VPS45: variants seen among roughly 807,000 people sequenced by gnomAD.
The protein encoded by VPS45 is vacuolar protein sorting-associated protein 45.
Under a neutral mutation model 75.9 loss-of-function variants are expected in VPS45, and 35 were observed. That is an observed-to-expected ratio of 0.46 (90% CI 0.35 to 0.61). VPS45 has a LOEUF of 0.61. Among genes scored for constraint, VPS45 ranks in the 20% least tolerant of loss-of-function variants. VPS45 has a pLI of 0.00. For synonymous variants in VPS45, 220 were observed against 238.2 expected, an observed-to-expected ratio of 0.92 and a Z score of 0.70; for missense variants, 559 against 685.9, an observed-to-expected ratio of 0.81 and a Z score of 2.07.
chr1:150,074,921 C>T (rs1394086099), intron 3 of VPS45, among the ~76,000 whole-genome samples: 1 of 147,796 alleles, frequency 6.8e-6, no homozygotes, highest in Non-Finnish European at 1.5e-5. Flanking sequence ...TCCATTATTA[C>T]ATCTAGATTA....
intron 14 of VPS45, among the ~76,000 whole-genome samples, chr1:150,115,187 C>G (rs1657865961): frequency 6.6e-6 from 1 of 152,094 alleles, no homozygotes; most frequent in East Asian, 1.9e-4. Context: ...AAACCTTCAT[C>G]TATTCTTCAG....
chr1:150,131,071 G>A (rs1490223025), intron 14 of VPS45, among the ~76,000 whole-genome samples: 1 of 152,154 alleles, frequency 6.6e-6, no homozygotes, highest in Admixed American at 6.6e-5. Context: ...ATCAGAGGGT[G>A]TAAGCGTTTT....
rs587639525 is a variant in VPS45, at chr1:150,114,514, C to T, written c.1625+3887C>T. 2.2e-3 allele frequency among the ~76,000 whole-genome samples: 322 copies of T among 144,972 alleles called. 2 individuals are homozygous for T. The highest frequency in any genetic ancestry group is 0.011 in the Middle Eastern group (3 of 264). On this transcript the variant is annotated intron_variant, in intron 14 of 14. Coordinates refer to ENST00000644510, the MANE Select transcript of VPS45 (RefSeq NM_007259.5). ...TGGCCAGTAGTTTAGGAGGCCATGG[C>T]GGGAGGATCATTTGAGCTCAGAAGT...
chr1:150,070,620 GTC>G (rs1559898426), intron 2 of VPS45, among the ~76,000 whole-genome samples: 1 of 124,096 alleles, frequency 8.1e-6, no homozygotes, highest in Non-Finnish European at 1.7e-5. Context: ...GTGAAACCCC[GTC>G]TCTACTAAAA....
intron 10 of VPS45, among the ~76,000 whole-genome samples, chr1:150,091,414 T>G (rs1345434972): frequency 1.3e-5 from 2 of 152,200 alleles, no homozygotes; most frequent in African/African-American, 4.8e-5. Context: ...TTAAAATCAT[T>G]AAGTACTAAA....
intron 14 of VPS45, among the ~76,000 whole-genome samples, chr1:150,114,516 G>T (rs1445690328): frequency 6.6e-6 from 1 of 151,092 alleles, no homozygotes; most frequent in Non-Finnish European, 1.5e-5. Context: ...GGCCATGGCG[G>T]GAGGATCATT....
chr1:150,125,103 C>T (rs1658434816), intron 14 of VPS45, among the ~76,000 whole-genome samples: 1 of 150,626 alleles, frequency 6.6e-6, no homozygotes, highest in Non-Finnish European at 1.5e-5. Context: ...TGCAAGTTTA[C>T]TTTTATTTTT....
chr1:150,133,113 C>G (rs1484350862), intron 14 of VPS45, among the ~76,000 whole-genome samples: 1 of 152,136 alleles, frequency 6.6e-6, no homozygotes. Context: ...TATACTGAGG[C>G]AGTGATAAAA....
rs587764360 is a variant in VPS45, at chr1:150,081,696, T to G, written c.823-188T>G. 2.6e-5 allele frequency among the ~76,000 whole-genome samples: 4 copies of G among 152,296 alleles called. No individual in the cohort carries two copies. In the East Asian group the frequency reaches 7.7e-4, roughly 29 times the overall value. ...CACGTAGTTATTTACTTCTCTCCCC[T>G]CCAGTAGCTGTTTGTGAGAATAGTA... On this transcript the variant is annotated intron_variant, in intron 8 of 14. Transcript: ENST00000644510.
At chr1:150,068,008 GT>G in intron 1 of VPS45, 58 bp downstream of exon 1, 1 of 1,504,154 alleles carries the variant, frequency 6.6e-7, no homozygotes, top group Admixed American at 1.7e-5. Context: ...ACAATTGCTC[GT>G]CCCATTCCAC....
chr1:150,144,706 C>T lies in VPS45; in HGVS notation c.1626-3C>T, dbSNP rs1553816140. The T allele has an allele frequency of 6.2e-7, 1 of 1,608,986 alleles. No homozygotes were observed. The highest frequency in any genetic ancestry group is 1.1e-5 in the South Asian group (1 of 90,882). The stretch of plus-strand genomic sequence containing the variant: ...CTTCAAGTAACCTCAAACTACTTAT[C>T]AGTTTCCTAGAGGAAGTTCTGGCTT... On this transcript the variant is annotated splice_region_variant and splice_polypyrimidine_tract_variant and intron_variant, in intron 14 of 14. Transcript: ENST00000644510.
At chr1:150,125,754 T>A (rs1213987559) in intron 14 of VPS45, among the ~76,000 whole-genome samples, 1 of 152,106 alleles carries the variant, frequency 6.6e-6, no homozygotes, top group Non-Finnish European at 1.5e-5. Flanking sequence ...AGTGATGTGA[T>A]CTCAGCTCAC....
intron 14 of VPS45, among the ~76,000 whole-genome samples, chr1:150,117,075 C>T (rs1553808478): frequency 6.6e-6 from 1 of 151,992 alleles, no homozygotes; most frequent in African/African-American, 2.4e-5. Flanking sequence ...GTGGCGTGCA[C>T]CTGTAGTCCC....
At chr1:150,133,374 A>G (rs1319544283) in intron 14 of VPS45, among the ~76,000 whole-genome samples, 1 of 151,722 alleles carries the variant, frequency 6.6e-6, no homozygotes, top group Non-Finnish European at 1.5e-5. Flanking sequence ...ACATGGTGAA[A>G]CCCCATCTCT....
At chr1:150,070,405 A>T (rs1475426939) in intron 2 of VPS45, among the ~76,000 whole-genome samples, 1 of 152,106 alleles carries the variant, frequency 6.6e-6, no homozygotes, top group East Asian at 1.9e-4. Context: ...GGTTCAAGAG[A>T]TATGTTAGAG....
At chr1:150,125,543 C>A (rs587638052) in intron 14 of VPS45, among the ~76,000 whole-genome samples, 2 of 135,772 alleles carry the variant, frequency 1.5e-5, no homozygotes, top group African/African-American at 5.5e-5. Flanking sequence ...AGCAAACTAT[C>A]GCAAGGACAA....
At chr1:150,107,399 C>T (rs868909451) in intron 13 of VPS45, among the ~76,000 whole-genome samples, 5 of 152,194 alleles carry the variant, frequency 3.3e-5, no homozygotes, top group Non-Finnish European at 4.4e-5. Flanking sequence ...CTATCCTCCA[C>T]ATTCAGTCAT....
intron 4 of VPS45, 156 bp downstream of exon 4, chr1:150,076,468 G>A: frequency 1.9e-6 from 1 of 528,576 alleles, no homozygotes. Flanking sequence ...TGTTTTCAGA[G>A]GCAGCAAATA....
intron 13 of VPS45, among the ~76,000 whole-genome samples, chr1:150,102,287 T>A (rs1192579462): frequency 2.8e-5 from 4 of 142,852 alleles, no homozygotes; most frequent in African/African-American, 7.9e-5. Context: ...GGGTGGCTCA[T>A]GCCTGTAATC....
Sources: allele counts gnomAD v4.1 joint callset (sites outside exome capture counted in the v4.1 genomes callset), GRCh38; gene constraint gnomAD v4.1.1; transcripts MANE v1.5; gene names NCBI Gene and HGNC (gene_info 2026-07-23, HGNC 2026-07-21).